Variants in DLGAP2 observed in about 807,000 individuals in gnomAD.
DLGAP2 encodes the protein DLG associated protein 2, also known as disks large-associated protein 2.
A neutral mutation model predicts 100.3 loss-of-function variants in DLGAP2; 26 were observed. That is an observed-to-expected ratio of 0.26 (90% CI 0.19 to 0.36). The LOEUF is 0.36. DLGAP2 is among the 10% of genes least tolerant of loss of function. The probability of loss-of-function intolerance (pLI) is 1.00; values close to 1 mark genes in which losing one functional copy is unlikely to be tolerated. For synonymous variants in DLGAP2, 886 were observed against 630.1 expected (o/e 1.41, Z -6.08); for missense variants, 1,858 against 1,453.2 (o/e 1.28, Z -4.53).
chr8:1,376,017 G>T (rs11781855), intron 3 of DLGAP2, among the ~76,000 whole-genome samples: 58 of 18,016 alleles, frequency 3.2e-3, no homozygotes, highest in East Asian at 0.024. Flanking sequence ...TCAGAACTGA[G>T]CCCCCACCTC....
chr8:1,581,740 C>T (rs1230691746), intron 6 of DLGAP2, among the ~76,000 whole-genome samples: 1 of 151,772 alleles, frequency 6.6e-6, no homozygotes, highest in Admixed American at 6.6e-5. Context: ...AGATAAAACC[C>T]CACACACATA....
intron 1 of DLGAP2, among the ~76,000 whole-genome samples, chr8:775,030 A>G (rs1351780634): frequency 6.6e-6 from 1 of 152,036 alleles, no homozygotes; most frequent in East Asian, 1.9e-4. Context: ...TTCTTTGAGC[A>G]GTGGTTTGTA....
chr8:1,351,742 G>A (rs1254938127), intron 3 of DLGAP2, among the ~76,000 whole-genome samples: 1 of 72,858 alleles, frequency 1.4e-5, no homozygotes, highest in African/African-American at 4.5e-5. Flanking sequence ...TGGAAAGGCC[G>A]TGCGGGTCCT....
At chr8:1,626,986 G>C in intron 7 of DLGAP2, 99 bp downstream of exon 7, 1 of 1,427,314 alleles carries the variant, frequency 7.0e-7, no homozygotes, top group Non-Finnish European at 9.4e-7. Flanking sequence ...CTGCCCTCCT[G>C]GTCAGCAGCA....
At chr8:1,554,967 G>A (rs886219601) in intron 5 of DLGAP2, among the ~76,000 whole-genome samples, 12 of 152,184 alleles carry the variant, frequency 7.9e-5, no homozygotes, top group African/African-American at 2.2e-4. Flanking sequence ...TATCCTTAGC[G>A]ATACCAGTGC....
At chr8:1,210,361 T>A (rs1585155335) in intron 2 of DLGAP2, among the ~76,000 whole-genome samples, 1 of 149,840 alleles carries the variant, frequency 6.7e-6, no homozygotes, top group East Asian at 2.0e-4. Flanking sequence ...TGCAGTGTTT[T>A]AAGAAACTGG....
At chr8:1,409,398 G>A (rs895756662) in intron 3 of DLGAP2, among the ~76,000 whole-genome samples, 1 of 152,202 alleles carries the variant, frequency 6.6e-6, no homozygotes, top group Non-Finnish European at 1.5e-5. Context: ...TGGCAGTCCT[G>A]GTGCTGAGCA....
At chr8:1,429,729 C>A (rs1218624916) in intron 3 of DLGAP2, among the ~76,000 whole-genome samples, 1 of 151,512 alleles carries the variant, frequency 6.6e-6, no homozygotes, top group African/African-American at 2.4e-5. Context: ...GACCTCTACT[C>A]CCCAGCTTCA....
At chr8:1,358,573 A>G (rs1332053405) in intron 3 of DLGAP2, among the ~76,000 whole-genome samples, 1 of 152,186 alleles carries the variant, frequency 6.6e-6, no homozygotes, top group Non-Finnish European at 1.5e-5. Flanking sequence ...CTATTCAATA[A>G]AACTTAGTGC....
intron 2 of DLGAP2, among the ~76,000 whole-genome samples, chr8:1,011,239 C>T (rs898806007): frequency 2.0e-5 from 3 of 149,988 alleles, no homozygotes; most frequent in African/African-American, 7.4e-5. Flanking sequence ...GGGTCTCAGT[C>T]TACACAGTGA....
intron 1 of DLGAP2, among the ~76,000 whole-genome samples, chr8:846,447 G>A (rs1240846555): frequency 1.3e-5 from 2 of 152,156 alleles, no homozygotes; most frequent in Admixed American, 1.3e-4. Flanking sequence ...ATTCATCCAT[G>A]TTGCCCAAAG....
At chr8:802,951 G>T (rs958125889) in intron 1 of DLGAP2, among the ~76,000 whole-genome samples, 3 of 152,164 alleles carry the variant, frequency 2.0e-5, no homozygotes, top group African/African-American at 7.2e-5. Context: ...GGTGGGTGGG[G>T]TCAAAAGAGG....
At chr8:1,469,355 T>G (rs574895600) in intron 3 of DLGAP2, among the ~76,000 whole-genome samples, 2 of 152,310 alleles carry the variant, frequency 1.3e-5, no homozygotes, top group East Asian at 3.9e-4. Flanking sequence ...GAAGCGGGCT[T>G]TATTCTGGCT....
chr8:1,572,947 T>C (rs1298169014), intron 6 of DLGAP2, among the ~76,000 whole-genome samples: 2 of 84,366 alleles, frequency 2.4e-5, no homozygotes, highest in African/African-American at 9.4e-5. Context: ...GGGTGAAGTA[T>C]TGGGGGCATC....
chr8:1,489,780 C>T (rs1290287965), intron 3 of DLGAP2, among the ~76,000 whole-genome samples: 2 of 152,190 alleles, frequency 1.3e-5, no homozygotes, highest in Non-Finnish European at 2.9e-5. Context: ...TCTCACGTAA[C>T]GTTACGATGG....
intron 5 of DLGAP2, among the ~76,000 whole-genome samples, chr8:1,553,096 G>C (rs1801826345): frequency 6.6e-6 from 1 of 152,112 alleles, no homozygotes; most frequent in South Asian, 2.1e-4. Context: ...CCCCGGGAAG[G>C]CTCCTGGCGG....
intron 3 of DLGAP2, among the ~76,000 whole-genome samples, chr8:1,339,010 A>G (rs1273564811): frequency 1.3e-5 from 2 of 151,176 alleles, no homozygotes; most frequent in African/African-American, 4.9e-5. Flanking sequence ...CAGGGAATGC[A>G]GTGACCTAAG....
At position 1,678,573 on chromosome 8, in the gene DLGAP2, A is replaced by G. The variant is rs1429196317; in HGVS notation, c.2648A>G (p.Glu883Gly). 6.9e-6 allele frequency: 11 copies of G among 1,582,780 alleles called. No individual in the cohort carries two copies. The highest frequency in any genetic ancestry group is 1.8e-5 in the Admixed American group (1 of 54,796). Residue 883 changes from glutamate (E) to glycine (G), a missense_variant, in exon 12 of 15, where the codon GAA becomes GGA. Glu to Gly is a moderately conservative substitution (Grantham distance 98, BLOSUM62 -2). Coordinates refer to ENST00000637795, the MANE Select transcript of DLGAP2 (RefSeq NM_001346810.2). ...CTGCACGCAGAGACAAAGAGGATGG[A>G]AGGCTGGTGCAAAGAGATGGAGAGA... is the stretch of plus-strand genomic sequence containing the variant. ...KLLHAETKRMEGWCKEMEREA... is the reference protein window; with the variant it reads ...KLLHAETKRMGGWCKEMEREA...
At chr8:1,097,465 A>C (rs867202253) in intron 2 of DLGAP2, among the ~76,000 whole-genome samples, 5 of 54,648 alleles carry the variant, frequency 9.1e-5, no homozygotes, top group Non-Finnish European at 1.5e-4. Flanking sequence ...CAGGAGAGTC[A>C]AGCTGGGAGC....
Sources: allele counts gnomAD v4.1 joint callset (sites outside exome capture counted in the v4.1 genomes callset), GRCh38; gene constraint gnomAD v4.1.1; transcripts MANE v1.5; gene names NCBI Gene and HGNC (gene_info 2026-07-23, HGNC 2026-07-21).